Variants in SYNE2 observed in about 807,000 individuals in gnomAD.
SYNE2 encodes the protein nesprin-2.
In SYNE2, 431 loss-of-function variants were observed where a neutral mutation model predicts 856.3. The observed-to-expected ratio is 0.50, with a 90% CI of 0.47 to 0.55. The LOEUF (loss-of-function observed/expected upper bound fraction) is 0.55. SYNE2 is among the 20% of genes least tolerant of loss of function. The pLI is 0.00. For synonymous variants in SYNE2, 2,923 were observed against 2,872.3 expected (o/e 1.02, Z -0.56); for missense variants, 8,129 against 8,023.2 (o/e 1.01, Z -0.50).
intron 94 of SYNE2, among the ~76,000 whole-genome samples, chr14:64,173,669 C>G (rs1291725279): frequency 6.7e-6 from 1 of 149,858 alleles, no homozygotes; most frequent in African/African-American, 2.5e-5. Flanking sequence ...AGTGCAGTGG[C>G]GTGATCATAG....
At chr14:64,078,364 T>G in intron 54 of SYNE2, 102 bp from the exon 55 acceptor site, 1 of 1,523,656 alleles carries the variant, frequency 6.6e-7, no homozygotes, top group East Asian at 2.3e-5. Context: ...TTAAAAAATT[T>G]TTACAAGTTA....
rs945040941 is a variant in SYNE2 at position 64,225,549 on chromosome 14, T to C, written c.*23T>C. ...TAGAGGGCATAGCTGGCCACAGTGC[T>C]ACACCACCTGCCTGATTGCCAAGGG... On this transcript the variant is annotated 3_prime_UTR_variant, in exon 116 of 116. Transcript: ENST00000555002. 1 of 1,610,788 alleles carries C rather than the reference T, an allele frequency of 6.2e-7. No homozygotes were observed. Among genetic ancestry groups the C allele is most frequent in the Non-Finnish European group, 8.5e-7 (1 of 1,177,874 alleles).
At chr14:64,172,237 C>T (rs143849305) in intron 94 of SYNE2, among the ~76,000 whole-genome samples, 1,773 of 152,336 alleles carry the variant, frequency 0.012, 13 homozygotes, top group South Asian at 0.037. Context: ...ACTTACCTAT[C>T]GCTGCATAAT....
intron 31 of SYNE2, among the ~76,000 whole-genome samples, chr14:64,008,671 G>T (rs2153515054): frequency 6.6e-6 from 1 of 152,246 alleles, no homozygotes; most frequent in African/African-American, 2.4e-5. Context: ...ACATGAGGGT[G>T]GGGAGTGGTG....
intron 1 of SYNE2, among the ~76,000 whole-genome samples, chr14:63,792,650 T>G (rs768019215): frequency 2.9e-5 from 3 of 102,488 alleles, no homozygotes; most frequent in African/African-American, 9.0e-5. Context: ...GGATGTTTTA[T>G]TTATTTGTTT....
chr14:63,981,151 CAA>C lies in SYNE2; in HGVS notation c.1816_1817del (p.Lys606GlufsTer5), dbSNP rs1490217908. On this transcript the variant is annotated frameshift_variant, in exon 16 of 116. Transcript: ENST00000555002. LOFTEE classifies it high-confidence loss of function. ...TTACTAAGGGCTTGCTTTGAGGAGA[CAA>C]AGAAGGAAGAAATTAAAGAGGTATT... 1 of 1,613,432 alleles carries C rather than the reference CAA, an allele frequency of 6.2e-7. No homozygotes were observed. The highest frequency in any genetic ancestry group is 8.5e-7 in the Non-Finnish European group (1 of 1,179,612).
intron 1 of SYNE2, among the ~76,000 whole-genome samples, chr14:63,882,639 T>A (rs2094891064): frequency 6.6e-6 from 1 of 151,878 alleles, no homozygotes; most frequent in Non-Finnish European, 1.5e-5. Context: ...GTGGGAGGAT[T>A]GGTTGCGTCT....
At chr14:63,820,627 A>G (rs1889177942) in intron 1 of SYNE2, among the ~76,000 whole-genome samples, 1 of 152,212 alleles carries the variant, frequency 6.6e-6, no homozygotes, top group South Asian at 2.1e-4. Flanking sequence ...TGAGAAGTGT[A>G]TTTGCTAATC....
Position 64,162,241 on chromosome 14 carries a change from G to C in SYNE2, c.16264G>C (p.Ala5422Pro). The C allele has an allele frequency of 6.2e-7, 1 of 1,614,206 alleles. No homozygotes were observed. Among genetic ancestry groups the C allele is most frequent in the Non-Finnish European group, 8.5e-7 (1 of 1,180,028 alleles). The stretch of plus-strand genomic sequence containing the variant: ...CATCAGCATGTCTGGAAACAACCTG[G>C]CAGAGATCCTGCCCCCAGCCCTGCA... ...ANISMSGNNLAEILPPALQDI... is the reference protein window; with the variant it reads ...ANISMSGNNLPEILPPALQDI... Residue 5422 changes from alanine (A) to proline (P), a missense_variant, in exon 88 of 116, where the codon GCA becomes CCA. Coordinates refer to ENST00000555002, the MANE Select transcript of SYNE2 (RefSeq NM_182914.3).
chr14:64,188,652 A>G lies in SYNE2; in HGVS notation c.17815A>G (p.Lys5939Glu). The G allele has an allele frequency of 6.2e-7, 1 of 1,614,248 alleles. No homozygotes were observed. The highest frequency in any genetic ancestry group is 8.5e-7 in the Non-Finnish European group (1 of 1,180,044). The part of the protein sequence containing the change: ...LCAWLVQMEN[K>E]VLQTADISIE... ...TGCCTGGCTGGTGCAGATGGAAAAC[A>G]AAGTTCTACAGACAGCGGACATTAG... Residue 5939 changes from lysine to glutamate, a missense_variant, in exon 98 of 116, where the codon AAA (lysine) becomes GAA (glutamate). Lys to Glu is a moderately conservative substitution (Grantham distance 56). This residue lies in a region of SYNE2 where 5,410 missense variants were observed against 5,284.8 expected (regional missense o/e 1.02). Coordinates refer to ENST00000555002, the MANE Select transcript of SYNE2 (RefSeq NM_182914.3).
intron 45 of SYNE2, chr14:64,034,518 G>A: frequency 3.9e-6 from 2 of 516,184 alleles, no homozygotes; most frequent in South Asian, 3.1e-5. Flanking sequence ...TGTGATGGCA[G>A]TTTCCAAAAA....
rs2095919525 is a variant in SYNE2, at chr14:63,941,745, G to T, written c.192G>T (p.Gly64=). ...ACCTATTCACAGACATTAAAAAGGG[G>T]CATGTCCTCCTGGATCTGCTAGAAG... ...ISDLFTDIKK[G]HVLLDLLEVL... Residue 64 remains glycine, a synonymous_variant, in exon 4 of 116, where the codon GGG becomes GGT. Transcript: ENST00000555002. 3.7e-6 allele frequency: 6 copies of T among 1,614,096 alleles called. No homozygotes were observed. The East Asian group carries it at 1.3e-4, about 36-fold the overall frequency.
intron 98 of SYNE2, among the ~76,000 whole-genome samples, chr14:64,189,814 G>C (rs912516977): frequency 6.6e-6 from 1 of 152,134 alleles, no homozygotes; most frequent in African/African-American, 2.4e-5. Context: ...TGGGACTACA[G>C]ACATGTGCCA....
chr14:64,156,070 T>C (rs1169380729), intron 85 of SYNE2, among the ~76,000 whole-genome samples: 4 of 152,364 alleles, frequency 2.6e-5, no homozygotes, highest in African/African-American at 9.6e-5. Flanking sequence ...GCTCAATAAA[T>C]GCTGCCCTGC....
chr14:64,007,298 T>A lies in SYNE2; in HGVS notation c.4577+76T>A, dbSNP rs2096804114. ...AATTAACTTTTTCAAACTTCTGGGT[T>A]GAAAACACATCTCCGTGGACCCAAA... On this transcript the variant is annotated intron_variant, in intron 31 of 115. Coordinates refer to ENST00000555002, the MANE Select transcript of SYNE2 (RefSeq NM_182914.3). 2.2e-6 allele frequency: 3 copies of A among 1,366,152 alleles called. No individual in the cohort carries two copies. The Admixed American group carries it at 5.0e-5, about 23-fold the overall frequency. 84.6% of individuals were successfully genotyped at this position (1,366,152 alleles called of 1,614,324 possible).
chr14:64,033,469 A>C (rs1237269090), intron 45 of SYNE2, among the ~76,000 whole-genome samples: 1 of 151,956 alleles, frequency 6.6e-6, no homozygotes. Flanking sequence ...GCTTGAGCCC[A>C]GGAGTTCAAG....
intron 94 of SYNE2, chr14:64,173,965 A>C (rs941523010): frequency 1.4e-6 from 1 of 695,210 alleles, no homozygotes; most frequent in East Asian, 2.7e-5. Context: ...CTCTCTGCAC[A>C]CTGCCTGCGG....
At chr14:64,078,391 A>G in intron 54 of SYNE2, 75 bp from the exon 55 acceptor site, 1 of 1,597,196 alleles carries the variant, frequency 6.3e-7, no homozygotes, top group Non-Finnish European at 8.5e-7. Flanking sequence ...AGTGACTACC[A>G]CTTTTGTTGT....
intron 66 of SYNE2, among the ~76,000 whole-genome samples, chr14:64,116,635 C>T (rs1157429948): frequency 1.3e-5 from 2 of 152,176 alleles, no homozygotes; most frequent in African/African-American, 4.8e-5. Context: ...AGGGTGATCT[C>T]GAACTCCTGA....
Sources: gnomAD v4.1 joint callset for allele counts (sites outside exome capture counted in the v4.1 genomes callset) on GRCh38, gnomAD v4.1.1 for gene constraint, gnomAD v4.1.1 regional missense constraint, MANE v1.5 for transcripts, NCBI Gene and HGNC (gene_info 2026-07-23, HGNC 2026-07-21) for gene names.